The following ZNF292 variants were observed in gnomAD, a reference collection of about 807,000 sequenced individuals.
The protein encoded by ZNF292 is 16 zinc-finger domain protein.
A neutral mutation model predicts 217.9 loss-of-function variants in ZNF292; 26 were observed. The observed-to-expected ratio is 0.12, with a 90% CI of 0.09 to 0.17. The LOEUF is 0.17. Ranked by LOEUF, ZNF292 falls within the 10% of genes least tolerant of loss-of-function variation. ZNF292 has a pLI of 1.00. For synonymous variants in ZNF292, 1,257 were observed against 1,124.1 expected, an observed-to-expected ratio of 1.12 and a Z score of -2.37; for missense variants, 2,904 against 3,175.2, an observed-to-expected ratio of 0.91 and a Z score of 2.05.
intron 1 of ZNF292, among the ~76,000 whole-genome samples, chr6:87,168,756 C>T (rs1376217240): frequency 6.6e-6 from 1 of 152,120 alleles, no homozygotes; most frequent in African/African-American, 2.4e-5. Flanking sequence ...AGGTGTGAGC[C>T]AGCGTGCCTG....
chr6:87,235,234 C>CGT (rs1562161703), intron 5 of ZNF292, among the ~76,000 whole-genome samples: 1 of 151,728 alleles, frequency 6.6e-6, no homozygotes. Flanking sequence ...TCACCTTTGA[C>CGT]GTGTTGTAAC....
chr6:87,204,764 A>T (rs146743564), intron 1 of ZNF292, among the ~76,000 whole-genome samples: 1 of 151,700 alleles, frequency 6.6e-6, no homozygotes, highest in South Asian at 2.1e-4. Flanking sequence ...GGGTTTCACC[A>T]TGTTGGCCAG....
chr6:87,244,008 T>A (rs966907679), intron 6 of ZNF292, among the ~76,000 whole-genome samples: 1 of 151,982 alleles, frequency 6.6e-6, no homozygotes, highest in Non-Finnish European at 1.5e-5. Context: ...GAAACAGAGA[T>A]CTTGGTTTCA....
chr6:87,251,613 T>C (rs923073459), intron 7 of ZNF292, among the ~76,000 whole-genome samples: 9 of 152,238 alleles, frequency 5.9e-5, no homozygotes, highest in South Asian at 2.1e-4. Flanking sequence ...TTAACTGTTA[T>C]GAATTAAATA....
At chr6:87,216,844 A>C (rs1258653604) in intron 3 of ZNF292, among the ~76,000 whole-genome samples, 1 of 152,072 alleles carries the variant, frequency 6.6e-6, no homozygotes, top group Non-Finnish European at 1.5e-5. Context: ...CATAGTAGTT[A>C]TTCGAACTAA....
chr6:87,174,799 A>G (rs1490922907), intron 1 of ZNF292, among the ~76,000 whole-genome samples: 1 of 152,226 alleles, frequency 6.6e-6, no homozygotes, highest in Non-Finnish European at 1.5e-5. Context: ...TATAGTATGA[A>G]TAGGGGAATT....
At chr6:87,215,836 C>A in intron 1 of ZNF292, 67 bp from the exon 2 acceptor site, 1 of 1,291,130 alleles carries the variant, frequency 7.7e-7, no homozygotes, top group Non-Finnish European at 1.0e-6. Flanking sequence ...CAGGAAAAAA[C>A]AGCTGATGAG....
chr6:87,175,426 C>T (rs1204871732), intron 1 of ZNF292, among the ~76,000 whole-genome samples: 1 of 152,162 alleles, frequency 6.6e-6, no homozygotes, highest in Admixed American at 6.5e-5. Context: ...GCCTTGAACT[C>T]CTGGGCTCAA....
chr6:87,169,071 C>A (rs939668418), intron 1 of ZNF292, among the ~76,000 whole-genome samples: 61 of 151,306 alleles, frequency 4.0e-4, no homozygotes, highest in African/African-American at 1.3e-3. Context: ...GAGACAGAGT[C>A]TTGCTCTGTT....
chr6:87,209,797 GT>G (rs1772406385), intron 1 of ZNF292, among the ~76,000 whole-genome samples: 1 of 152,132 alleles, frequency 6.6e-6, no homozygotes, highest in South Asian at 2.1e-4. Flanking sequence ...CTCAGTTTTT[GT>G]TTTGAATATG....
chr6:87,169,693 C>T (rs755710227), intron 1 of ZNF292: 1 of 442,896 alleles, frequency 2.3e-6, no homozygotes, highest in South Asian at 1.6e-5. Context: ...GTCACCCAGG[C>T]TGGAATGCAG....
At chr6:87,198,329 C>T (rs894336581) in intron 1 of ZNF292, among the ~76,000 whole-genome samples, 2 of 152,058 alleles carry the variant, frequency 1.3e-5, no homozygotes, top group Admixed American at 6.6e-5. Context: ...CTTAGCCTCC[C>T]GAGTAGCTGG....
rs1357914448 is a variant in ZNF292 at position 87,258,162 on chromosome 6, T to G, written c.4533T>G (p.His1511Gln). ...STFEGAEMLS[H>Q]VSTGCVSDAS... is the part of the protein sequence containing the mutation. ...TTGAGGGTGCCGAAATGCTTTCTCA[T>G]GTTTCAACAGGTTGTGTCTCTGATG... Residue 1511 changes from histidine (H) to glutamine (Q), a missense_variant, in exon 8 of 8, where the codon CAT becomes CAG. His to Gln is a conservative substitution (Grantham distance 24). Around this residue, in one of 15 missense-constraint regions of ZNF292, gnomAD observed 622 missense variants for 573.1 expected, o/e 1.09. Coordinates refer to ENST00000369577, the MANE Select transcript of ZNF292 (RefSeq NM_015021.3). 6.2e-7 allele frequency: 1 copy of G among 1,611,980 alleles called. No homozygotes were observed. The highest frequency in any genetic ancestry group is 1.1e-5 in the South Asian group (1 of 90,738).
chr6:87,155,812 G>A (rs1770508309), intron 1 of ZNF292, 53 bp downstream of exon 1: 7 of 1,498,674 alleles, frequency 4.7e-6, no homozygotes, highest in Non-Finnish European at 6.2e-6. Context: ...GGGGGAAGAG[G>A]GCGAGCGAGC....
intron 1 of ZNF292, among the ~76,000 whole-genome samples, chr6:87,158,261 A>T (rs542108406): frequency 3.9e-5 from 6 of 152,266 alleles, no homozygotes; most frequent in South Asian, 4.1e-4. Flanking sequence ...AACGATACAG[A>T]GTGTGTCTGA....
chr6:87,239,493 C>T (rs1328461162), intron 5 of ZNF292, among the ~76,000 whole-genome samples: 4 of 150,686 alleles, frequency 2.7e-5, no homozygotes, highest in Non-Finnish European at 5.9e-5. Context: ...GGGGCTGCCC[C>T]CCACCTCCCT....
intron 1 of ZNF292, among the ~76,000 whole-genome samples, chr6:87,192,656 C>T (rs774364585): frequency 6.6e-6 from 1 of 152,054 alleles, no homozygotes; most frequent in Non-Finnish European, 1.5e-5. Context: ...ATGCCTTTTT[C>T]AGTTCTGATT....
intron 4 of ZNF292, among the ~76,000 whole-genome samples, chr6:87,229,824 T>C (rs1370760182): frequency 6.6e-6 from 1 of 152,230 alleles, no homozygotes; most frequent in Non-Finnish European, 1.5e-5. Flanking sequence ...TAGAAGGTTT[T>C]AAACAGGGAA....
At chr6:87,216,120 C>T (rs1284301811) in intron 2 of ZNF292, 63 bp downstream of exon 2, 3 of 197,232 alleles carry the variant, frequency 1.5e-5, no homozygotes, top group African/African-American at 1.2e-4. Context: ...CACACACACA[C>T]ACACACACAC....
Sources: gnomAD v4.1 joint callset for allele counts (sites outside exome capture counted in the v4.1 genomes callset) on GRCh38, gnomAD v4.1.1 for gene constraint, gnomAD v4.1.1 regional missense constraint, MANE v1.5 for transcripts, NCBI Gene and HGNC (gene_info 2026-07-23, HGNC 2026-07-21) for gene names.